COL26A1: variants seen among roughly 807,000 people sequenced by gnomAD.
COL26A1 encodes the protein collagen alpha-1(XXVI) chain.
COL26A1 carries 41 observed loss-of-function variants against 59.3 expected under a neutral mutation model. The ratio of observed to expected loss-of-function variants is 0.69; its 90% CI spans 0.54 to 0.90. The LOEUF (loss-of-function observed/expected upper bound fraction) is 0.90, where lower values mean the gene tolerates loss of function less well. Ranked by LOEUF, COL26A1 falls within the 40% of genes least tolerant of loss-of-function variation. The pLI is 0.00. For missense variants in COL26A1, 612 were observed against 602.3 expected (o/e 1.02, Z -0.17); for synonymous variants, 266 against 256.0 (o/e 1.04, Z -0.37).
intron 3 of COL26A1, among the ~76,000 whole-genome samples, chr7:101,481,078 G>C (rs1026348886): frequency 6.6e-5 from 10 of 152,174 alleles, no homozygotes; most frequent in African/African-American, 2.4e-4. Flanking sequence ...ACAAGGCACA[G>C]GCCTGAGGTT....
Position 101,482,935 on chromosome 7 carries a change from C to T in COL26A1, c.385+35148C>T, listed in dbSNP as rs936078738. On this transcript the variant is annotated intron_variant, in intron 3 of 12. Coordinates refer to ENST00000313669, the MANE Select transcript of COL26A1 (RefSeq NM_001278563.3). ...TGGTGCCACTGTACTCCAGCCTGGA[C>T]GACAAGTGAGACTCTGTCTCAAAAA... Among the ~76,000 whole-genome samples the T allele has an allele frequency of 3.9e-5, 6 of 152,100 alleles. No homozygotes were observed. The South Asian group carries it at 6.2e-4, about 16-fold the overall frequency.
intron 3 of COL26A1, among the ~76,000 whole-genome samples, chr7:101,512,694 A>T (rs6954650): frequency 6.6e-6 from 1 of 151,996 alleles, no homozygotes; most frequent in Non-Finnish European, 1.5e-5. Context: ...CCAAATATTC[A>T]GTTGGAGCTA....
chr7:101,480,976 G>T (rs2130491964), intron 3 of COL26A1, among the ~76,000 whole-genome samples: 1 of 152,284 alleles, frequency 6.6e-6, no homozygotes, highest in East Asian at 1.9e-4. Flanking sequence ...AATATCCTGG[G>T]CAGGAGTTGA....
chr7:101,468,681 C>T (rs574163426), intron 3 of COL26A1, among the ~76,000 whole-genome samples: 1 of 152,176 alleles, frequency 6.6e-6, no homozygotes, highest in Non-Finnish European at 1.5e-5. Flanking sequence ...GTGGTTAAAC[C>T]GTAAAACTTT....
At chr7:101,386,214 A>G (rs934830135) in intron 1 of COL26A1, among the ~76,000 whole-genome samples, 3 of 144,506 alleles carry the variant, frequency 2.1e-5, no homozygotes, top group Non-Finnish European at 4.5e-5. Flanking sequence ...TCTCCTGCCG[A>G]GTGTCTGCCC....
At chr7:101,401,189 C>T (rs1791987941) in intron 1 of COL26A1, among the ~76,000 whole-genome samples, 1 of 152,144 alleles carries the variant, frequency 6.6e-6, no homozygotes, top group African/African-American at 2.4e-5. Context: ...TCCTTCAAGC[C>T]GTCTGGACAG....
chr7:101,363,354 G>A (rs1434498297), intron 1 of COL26A1, among the ~76,000 whole-genome samples, 164 bp downstream of exon 1: 1 of 145,326 alleles, frequency 6.9e-6, no homozygotes, highest in Non-Finnish European at 1.5e-5. Flanking sequence ...ACACCGGGCA[G>A]CTGGAACGAG....
intron 4 of COL26A1, among the ~76,000 whole-genome samples, chr7:101,536,056 A>C (rs866078996): frequency 2.0e-5 from 3 of 152,098 alleles, no homozygotes; most frequent in Middle Eastern, 3.2e-3. Context: ...GTCTCGTGCT[A>C]TCTCAGTGTG....
chr7:101,392,224 G>A (rs975591816), intron 1 of COL26A1, among the ~76,000 whole-genome samples: 4 of 152,054 alleles, frequency 2.6e-5, no homozygotes, highest in Non-Finnish European at 5.9e-5. Context: ...GGTTACTCCA[G>A]GTTGCAGGAA....
intron 4 of COL26A1, among the ~76,000 whole-genome samples, chr7:101,533,805 G>T (rs1173183345): frequency 6.6e-6 from 1 of 152,162 alleles, no homozygotes. Context: ...ACCTTAGGGC[G>T]ATGAAGCCAG....
intron 9 of COL26A1, among the ~76,000 whole-genome samples, chr7:101,550,751 G>T: frequency 6.6e-6 from 1 of 152,236 alleles, no homozygotes; most frequent in East Asian, 1.9e-4. Context: ...CCCGGGAGCC[G>T]TCTGGGCTGA....
chr7:101,534,676 C>A (rs983746607), intron 4 of COL26A1, among the ~76,000 whole-genome samples: 1 of 144,688 alleles, frequency 6.9e-6, no homozygotes, highest in Non-Finnish European at 1.5e-5. Flanking sequence ...CACACACACA[C>A]ATGACACAAC....
At position 101,420,007 on chromosome 7, in the gene COL26A1, G is replaced by A. The variant is rs754747768; in HGVS notation, c.189G>A (p.Thr63=). 3.1e-6 allele frequency: 5 copies of A among 1,613,726 alleles called. No individual in the cohort carries two copies. Among genetic ancestry groups the A allele is most frequent in the Admixed American group, 1.7e-5 (1 of 60,014 alleles). ...RHWCHHTVTR[T]VSCQVQNGSE... is the part of the protein sequence containing the mutation. ...GGTGCCATCACACAGTGACACGGAC[G>A]GTGTCCTGCCAGGTGCAGAATGGCT... Residue 63 remains threonine (T), a synonymous_variant, in exon 2 of 13, where the codon ACG becomes ACA. Transcript: ENST00000313669.
At chr7:101,453,083 G>T (rs1200653151) in intron 3 of COL26A1, among the ~76,000 whole-genome samples, 1 of 152,120 alleles carries the variant, frequency 6.6e-6, no homozygotes, top group Non-Finnish European at 1.5e-5. Context: ...AATGGGGGTG[G>T]GGGAGCAGAC....
At chr7:101,463,644 A>ATCCTTCCATCCTTCCATCCTTCCT (rs1793671912) in intron 3 of COL26A1, among the ~76,000 whole-genome samples, 12 of 24,476 alleles carry the variant, frequency 4.9e-4, no homozygotes, top group African/African-American at 2.1e-3. Context: ...CCTTCCTTCC[A>ATCCTTCCATCCTTCCATCCTTCCT]TCCTTCCATC....
At chr7:101,547,124 C>T (rs1384004027) in intron 7 of COL26A1, 32 bp from the exon 8 acceptor site, 1 of 1,505,718 alleles carries the variant, frequency 6.6e-7, no homozygotes, top group African/African-American at 1.4e-5. Context: ...GTCTGCCCCA[C>T]CAGACCCCTG....
chr7:101,518,482 T>A (rs995903202), intron 3 of COL26A1, among the ~76,000 whole-genome samples: 15 of 152,124 alleles, frequency 9.9e-5, no homozygotes, highest in Non-Finnish European at 2.1e-4. Flanking sequence ...CAGCGCCAAC[T>A]CCCCGTGTCC....
At chr7:101,474,837 A>AT (rs1793995517) in intron 3 of COL26A1, among the ~76,000 whole-genome samples, 1 of 152,202 alleles carries the variant, frequency 6.6e-6, no homozygotes, top group Non-Finnish European at 1.5e-5. Flanking sequence ...AGACCTGTGT[A>AT]TTTTTATGCT....
rs932080450 is a variant in COL26A1, at chr7:101,531,780, T to C, written c.386-1302T>C. 3.1e-4 allele frequency among the ~76,000 whole-genome samples: 47 copies of C among 152,068 alleles called. 1 individual carries two copies. Among genetic ancestry groups the C allele is most frequent in the Non-Finnish European group, 2.9e-5 (2 of 67,972 alleles). On this transcript the variant is annotated intron_variant, in intron 3 of 12. Coordinates refer to ENST00000313669, the MANE Select transcript of COL26A1 (RefSeq NM_001278563.3). ...AGGAATCGCCCTTTGTTTTTTGTTT[T>C]TTTTTTTAAGGACAGGGAACATTTC...
Sources: gnomAD v4.1 joint callset for allele counts (sites outside exome capture counted in the v4.1 genomes callset) on GRCh38, gnomAD v4.1.1 for gene constraint, MANE v1.5 for transcripts, NCBI Gene and HGNC (gene_info 2026-07-23, HGNC 2026-07-21) for gene names.